The following PTPRD variants were observed in gnomAD, a reference collection of about 807,000 sequenced individuals.
PTPRD encodes protein tyrosine phosphatase receptor type D.
Under a neutral mutation model 214.5 loss-of-function variants are expected in PTPRD, and 34 were observed. That is an observed-to-expected ratio of 0.16 (90% CI 0.12 to 0.21). The LOEUF (loss-of-function observed/expected upper bound fraction) is 0.21, where lower values mean the gene tolerates loss of function less well. Among genes scored for constraint, PTPRD ranks in the 10% least tolerant of loss-of-function variants. The pLI is 1.00. For synonymous variants in PTPRD, 1,128 were observed against 845.7 expected (o/e 1.33, Z -5.79); for missense variants, 2,545 against 2,398.7 (o/e 1.06, Z -1.27).
chr9:8,391,371 G>C (rs191092087), intron 36 of PTPRD, among the ~76,000 whole-genome samples: 246 of 152,228 alleles, frequency 1.6e-3, no homozygotes, highest in African/African-American at 5.7e-3. Context: ...TGAAATGCAT[G>C]GTTGGCTGTA....
At chr9:9,807,855 T>C (rs564006305) in intron 5 of PTPRD, among the ~76,000 whole-genome samples, 61 of 152,306 alleles carry the variant, frequency 4.0e-4, no homozygotes, top group African/African-American at 1.4e-3. Context: ...CCAAAACAGA[T>C]GATTCTGATG....
At chr9:9,635,924 C>G (rs1360497409) in intron 7 of PTPRD, among the ~76,000 whole-genome samples, 3 of 152,132 alleles carry the variant, frequency 2.0e-5, no homozygotes, top group Admixed American at 2.0e-4. Flanking sequence ...CATTTTAAGT[C>G]CCATTCACAG....
chr9:9,414,608 C>T (rs1459580755), intron 8 of PTPRD: 2 of 152,158 alleles, frequency 1.3e-5, no homozygotes, highest in Non-Finnish European at 2.9e-5. Flanking sequence ...CCATCTTCAT[C>T]ATCTCTTAGA....
chr9:9,787,361 G>A (rs1199076807), intron 5 of PTPRD, among the ~76,000 whole-genome samples: 1 of 145,860 alleles, frequency 6.9e-6, no homozygotes, highest in East Asian at 2.0e-4. Flanking sequence ...GATATATGAT[G>A]ACATATAACG....
intron 11 of PTPRD, among the ~76,000 whole-genome samples, chr9:8,792,852 T>C (rs55947974): frequency 0.12 from 18,833 of 152,138 alleles, 1,371 homozygotes; most frequent in East Asian, 0.35. Flanking sequence ...TTTTCTTTCC[T>C]TTTATTACTG....
chr9:10,531,973 A>G (rs893608618), intron 2 of PTPRD, among the ~76,000 whole-genome samples: 19 of 152,188 alleles, frequency 1.2e-4, no homozygotes, highest in African/African-American at 4.3e-4. Context: ...AGTGGGAATA[A>G]CTGTATTACA....
At chr9:8,999,941 A>G (rs2099411335) in intron 11 of PTPRD, among the ~76,000 whole-genome samples, 1 of 152,040 alleles carries the variant, frequency 6.6e-6, no homozygotes. Flanking sequence ...GGGTCAAAGT[A>G]TCTGAGAAGC....
rs1328164445 is a variant in PTPRD at position 8,317,328 on chromosome 9, T to C, written c.*546A>G. 4.3e-6 allele frequency: 1 copy of C among 232,344 alleles called. No individual in the cohort carries two copies. The highest frequency in any genetic ancestry group is 2.2e-5 in the African/African-American group (1 of 45,258). 14.4% of individuals were successfully genotyped at this position (232,344 alleles called of 1,614,324 possible). On this transcript the variant is annotated 3_prime_UTR_variant, in exon 46 of 46. Transcript: ENST00000381196. ...TTTGTTAAAAAAAAGTTTACACAGT[T>C]AGAAATGAAGCACAGGTCAGCAGTA... is the stretch of plus-strand genomic sequence containing the variant.
In PTPRD at chr9:8,732,227, G is replaced by A. The variant is rs866564150; in HGVS notation, c.64+1553C>T. 2.6e-5 allele frequency among the ~76,000 whole-genome samples: 4 copies of A among 152,062 alleles called. No homozygotes were observed. The East Asian group carries it at 7.7e-4, about 29-fold the overall frequency. ...CTTTTCACCAGAGAATTAAGCAAAG[G>A]CATCACTCCTCAGTAGAAGAACATT... On this transcript the variant is annotated intron_variant, in intron 12 of 45. Coordinates refer to ENST00000381196, the MANE Select transcript of PTPRD (RefSeq NM_002839.4).
chr9:9,542,410 C>A (rs2077804095), intron 8 of PTPRD, among the ~76,000 whole-genome samples: 1 of 151,530 alleles, frequency 6.6e-6, no homozygotes, highest in East Asian at 1.9e-4. Context: ...ATACAGGACA[C>A]AAAAGCTCTT....
At chr9:9,945,216 G>C (rs147332796) in intron 4 of PTPRD, among the ~76,000 whole-genome samples, 11 of 152,168 alleles carry the variant, frequency 7.2e-5, no homozygotes, top group Admixed American at 5.9e-4. Context: ...TAAGATGCCC[G>C]TTAGGCATTT....
At chr9:9,890,263 T>C (rs1029538226) in intron 5 of PTPRD, among the ~76,000 whole-genome samples, 1 of 152,006 alleles carries the variant, frequency 6.6e-6, no homozygotes, top group Non-Finnish European at 1.5e-5. Context: ...AGTGATACGA[T>C]CCTGGCTCAC....
intron 12 of PTPRD, among the ~76,000 whole-genome samples, chr9:8,687,604 T>C (rs2097708279): frequency 6.6e-6 from 1 of 152,120 alleles, no homozygotes; most frequent in South Asian, 2.1e-4. Context: ...AGCCTTGATC[T>C]AATTTTTTAA....
intron 11 of PTPRD, among the ~76,000 whole-genome samples, chr9:8,832,187 A>C (rs1251727233): frequency 6.6e-6 from 1 of 151,892 alleles, no homozygotes; most frequent in Non-Finnish European, 1.5e-5. Flanking sequence ...AAATATATTT[A>C]AGAATCCTGC....
At chr9:9,657,573 A>G (rs1012861063) in intron 7 of PTPRD, among the ~76,000 whole-genome samples, 1 of 152,222 alleles carries the variant, frequency 6.6e-6, no homozygotes, top group Admixed American at 6.5e-5. Context: ...CACGTTGTGC[A>G]TATGTACCCC....
intron 3 of PTPRD, among the ~76,000 whole-genome samples, chr9:10,243,168 G>A (rs2091444845): frequency 6.6e-6 from 1 of 151,906 alleles, no homozygotes; most frequent in Admixed American, 6.6e-5. Context: ...GTTATTCAGA[G>A]ACTTCATTAC....
At chr9:9,237,823 T>C (rs372113799) in intron 9 of PTPRD, among the ~76,000 whole-genome samples, 48 of 152,280 alleles carry the variant, frequency 3.2e-4, no homozygotes, top group African/African-American at 1.2e-3. Flanking sequence ...TGTCAGCTTC[T>C]TTTCTTGTTG....
At chr9:9,996,755 TC>T (rs533226124) in intron 4 of PTPRD, among the ~76,000 whole-genome samples, 28 of 152,314 alleles carry the variant, frequency 1.8e-4, no homozygotes, top group Non-Finnish European at 3.7e-4. Context: ...TTCAGTGGCT[TC>T]ATACGGCAAG....
chr9:9,317,615 G>C (rs779116406), intron 9 of PTPRD, among the ~76,000 whole-genome samples: 6 of 151,892 alleles, frequency 4.0e-5, no homozygotes, highest in Non-Finnish European at 7.4e-5. Context: ...TGACTCTCTA[G>C]AGCTTATACT....
Sources: allele counts gnomAD v4.1 joint callset (sites outside exome capture counted in the v4.1 genomes callset), GRCh38; gene constraint gnomAD v4.1.1; transcripts MANE v1.5; gene names NCBI Gene and HGNC (gene_info 2026-07-23, HGNC 2026-07-21).